Variants in DHX8 observed in about 807,000 individuals in gnomAD.
DHX8 encodes the protein DEAH-box helicase 8.
Under a neutral mutation model 140.7 loss-of-function variants are expected in DHX8, and 67 were observed. The ratio of observed to expected loss-of-function variants is 0.48; its 90% CI spans 0.39 to 0.58. The LOEUF is 0.58. Ranked by LOEUF, DHX8 falls within the 20% of genes least tolerant of loss-of-function variation. The probability of loss-of-function intolerance (pLI) is 0.00; values close to 1 mark genes in which losing one functional copy is unlikely to be tolerated. For synonymous variants in DHX8, 533 were observed against 553.2 expected (o/e 0.96, Z 0.51); for missense variants, 887 against 1,550.7 (o/e 0.57, Z 7.19).
intron 8 of DHX8, 53 bp from the exon 9 acceptor site, chr17:43,496,123 CAAAAA>C: frequency 7.1e-7 from 1 of 1,403,102 alleles, no homozygotes; most frequent in Non-Finnish European, 9.9e-7. Context: ...AACCAAAAAA[CAAAAA>C]AAAAGTTTTG....
At chr17:43,486,875 CAAAA>C (rs34339308) in intron 1 of DHX8, among the ~76,000 whole-genome samples, 3 of 95,298 alleles carry the variant, frequency 3.1e-5, no homozygotes, top group Non-Finnish European at 4.5e-5. Flanking sequence ...GACTCCGTCT[CAAAA>C]AAAAAAAAAA....
At chr17:43,543,824 A>C (rs923392353) in intron 3 of DHX8, 1 of 152,200 alleles carries the variant, frequency 6.6e-6, no homozygotes, top group Non-Finnish European at 1.5e-5. Context: ...CTCTATGCTA[A>C]ATAGTCATTC....
At chr17:43,494,030 A>C (rs1190725575) in intron 8 of DHX8, 144 bp downstream of exon 8, 3 of 767,924 alleles carry the variant, frequency 3.9e-6, no homozygotes, top group Non-Finnish European at 6.2e-6. Context: ...GACGTACCTG[A>C]GACTGGGCAA....
chr17:43,516,395 GA>G (rs1169176466), intron 17 of DHX8, among the ~76,000 whole-genome samples: 1 of 152,130 alleles, frequency 6.6e-6, no homozygotes, highest in Non-Finnish European at 1.5e-5. Flanking sequence ...TAATGCGAAT[GA>G]ACATTTTCTT....
chr17:43,535,750 G>A (rs1271818742), intron 2 of DHX8, among the ~76,000 whole-genome samples: 2 of 152,182 alleles, frequency 1.3e-5, no homozygotes, highest in Non-Finnish European at 2.9e-5. Flanking sequence ...AACCAAAAAT[G>A]TCTACAGATA....
intron 8 of DHX8, among the ~76,000 whole-genome samples, chr17:43,494,322 A>G (rs530740140): frequency 1.3e-5 from 2 of 152,284 alleles, no homozygotes; most frequent in South Asian, 4.1e-4. Context: ...GCCAAACCAT[A>G]TCAGCCACTT....
At position 43,532,962 on chromosome 17, in the gene DHX8, G is replaced by A. The variant is rs775288406; in HGVS notation, c.351-3450G>A. 4.5e-6 allele frequency: 7 copies of A among 1,539,652 alleles called. No homozygotes were observed. In the Admixed American group the frequency reaches 1.0e-4, roughly 23 times the overall value. ...GAGCTGGATGTGGTTGGATGGAGAA[G>A]GAAGAGAAGAGAACTTTAAATTAAT... is the stretch of plus-strand genomic sequence containing the variant. On this transcript the variant is annotated intron_variant, in intron 2 of 3. Transcript: ENST00000589898.
intron 9 of DHX8, 119 bp downstream of exon 9, chr17:43,496,387 T>C: frequency 1.5e-6 from 1 of 647,114 alleles, no homozygotes; most frequent in East Asian, 2.8e-5. Context: ...TCACTACTCA[T>C]CTCTCAAAAA....
chr17:43,503,463 C>T (rs1475597614), intron 11 of DHX8, among the ~76,000 whole-genome samples: 4 of 151,666 alleles, frequency 2.6e-5, no homozygotes, highest in Admixed American at 2.0e-4. Context: ...CGCCATTGCA[C>T]TCCAGCCTGG....
rs1438506644 is a variant in DHX8, at chr17:43,522,766, AAAC to A, written c.3443+541_3443+543del. Among the ~76,000 whole-genome samples, 5 of 145,854 alleles carry A rather than the reference AAAC, an allele frequency of 3.4e-5. 1 individual carries two copies. Among genetic ancestry groups the A allele is most frequent in the Admixed American group, 6.9e-5 (1 of 14,570 alleles). ...CCATCTCAAAAAAAAAAAAAAAAAA[AAAC>A]CAACTACCTAGGGGCTAGGCATGGT... On this transcript the variant is annotated intron_variant, in intron 22 of 22. Transcript: ENST00000262415.
intron 20 of DHX8, 72 bp downstream of exon 20, chr17:43,520,951 T>C: frequency 8.0e-7 from 1 of 1,244,956 alleles, no homozygotes; most frequent in Non-Finnish European, 1.1e-6. Context: ...GCCATTCCAA[T>C]GCTTGATGTG....
At position 43,525,016 on chromosome 17, in the gene DHX8, A is replaced by G. The variant is rs1970563448; in HGVS notation, c.*1169A>G. On this transcript the variant is annotated 3_prime_UTR_variant, in exon 23 of 23. Transcript: ENST00000262415. ...ACTGTGCTGCCCAGGCTGCTCTCCA[A>G]TCCCTGGCGTCAAGCAATCCTCCTG... 4 of 984,728 alleles carry G rather than the reference A, an allele frequency of 4.1e-6. No individual in the cohort carries two copies. Among genetic ancestry groups the G allele is most frequent in the African/African-American group, 1.8e-5 (1 of 57,034 alleles). 61.0% of individuals were successfully genotyped at this position (984,728 alleles called of 1,614,324 possible).
In DHX8 at chr17:43,525,509, C is replaced by A. The variant is rs1567701676; in HGVS notation, c.*1662C>A. The A allele has an allele frequency of 6.1e-6, 6 of 985,384 alleles. No homozygotes were observed. Among genetic ancestry groups the A allele is most frequent in the Non-Finnish European group, 7.2e-6 (6 of 829,940 alleles). The allele number at this position is 985,384 out of a possible 1,614,324, so 61.0% of individuals were successfully genotyped here. On this transcript the variant is annotated 3_prime_UTR_variant, in exon 23 of 23. Coordinates refer to ENST00000262415, the MANE Select transcript of DHX8 (RefSeq NM_004941.3). ...GAGTATTCGCCTTTGTAAGCCCAGG[C>A]CAGTAATCAAGGGGCAGGGCATTGT...
intron 16 of DHX8, among the ~76,000 whole-genome samples, chr17:43,512,578 G>A (rs1168848459): frequency 6.6e-6 from 1 of 152,162 alleles, no homozygotes; most frequent in African/African-American, 2.4e-5. Flanking sequence ...TGAGTGGAAA[G>A]ATGGTGAATT....
chr17:43,515,481 C>T (rs1044521805), intron 17 of DHX8, among the ~76,000 whole-genome samples: 14 of 152,214 alleles, frequency 9.2e-5, no homozygotes, highest in Admixed American at 9.2e-4. Context: ...GCCACCGCGC[C>T]TGGCCCAATA....
At chr17:43,540,151 G>A (rs575126855) in intron 3 of DHX8, among the ~76,000 whole-genome samples, 15 of 152,268 alleles carry the variant, frequency 9.9e-5, no homozygotes, top group South Asian at 6.2e-4. Context: ...TCACCAGGAC[G>A]TTGTTAAAAA....
At chr17:43,530,607 CGCGT>C (rs1467676848), downstream of DHX8, among the ~76,000 whole-genome samples, 2,134 of 138,452 alleles carry the variant, frequency 0.015, 52 homozygotes, top group African/African-American at 0.044. Context: ...TGTGCACGCG[CGCGT>C]GTGTGTGTGT....
intron 9 of DHX8, among the ~76,000 whole-genome samples, chr17:43,497,710 A>G (rs1968944593): frequency 6.6e-6 from 1 of 152,088 alleles, no homozygotes. Flanking sequence ...AGCCATGGTC[A>G]TGCCACTGTG....
downstream of DHX8, among the ~76,000 whole-genome samples, chr17:43,531,326 C>T (rs1970925217): frequency 6.6e-6 from 1 of 152,184 alleles, no homozygotes; most frequent in African/African-American, 2.4e-5. Flanking sequence ...CCTCCTTCGG[C>T]CCTTGAGGCT....
Sources: allele counts gnomAD v4.1 joint callset (sites outside exome capture counted in the v4.1 genomes callset), GRCh38; gene constraint gnomAD v4.1.1; transcripts MANE v1.5; gene names NCBI Gene and HGNC (gene_info 2026-07-23, HGNC 2026-07-21).